ATM: variants seen among roughly 807,000 people sequenced by gnomAD.
ATM encodes the protein ATM serine/threonine kinase.
Under a neutral mutation model 387.0 loss-of-function variants are expected in ATM, and 308 were observed. The observed-to-expected ratio is 0.80, with a 90% CI of 0.73 to 0.87. The LOEUF is 0.87. Among genes scored for constraint, ATM ranks in the 40% least tolerant of loss-of-function variants. ATM has a pLI of 0.00. For missense variants in ATM, 3,312 were observed against 3,560.9 expected, an observed-to-expected ratio of 0.93 and a Z score of 1.78; for synonymous variants, 1,156 against 1,187.3, an observed-to-expected ratio of 0.97 and a Z score of 0.54.
chr11:108,227,954 T>C (rs947119848), intron 3 of ATM, 66 bp downstream of exon 3: 41 of 1,367,708 alleles, frequency 3.0e-5, no homozygotes, highest in Middle Eastern at 2.5e-4. Context: ...TGTTGTGATA[T>C]TACTTTTGTG....
At chr11:108,258,117 C>T (rs2135413540) in intron 15 of ATM, among the ~76,000 whole-genome samples, 1 of 152,242 alleles carries the variant, frequency 6.6e-6, no homozygotes, top group South Asian at 2.1e-4. Flanking sequence ...ATTGCCCAGG[C>T]TAGTCTCAAA....
chr11:108,260,652 A>G (rs2080809787), intron 16 of ATM, among the ~76,000 whole-genome samples: 2 of 152,222 alleles, frequency 1.3e-5, no homozygotes, highest in African/African-American at 4.8e-5. Flanking sequence ...ATGGCCGAAT[A>G]GGAACAGCTC....
chr11:108,248,745 G>A (rs186380405), intron 8 of ATM, among the ~76,000 whole-genome samples, 188 bp from the exon 9 acceptor site: 3 of 151,932 alleles, frequency 2.0e-5, no homozygotes, highest in African/African-American at 7.3e-5. Flanking sequence ...AAAGTTAGCT[G>A]GGCATGGTGG....
chr11:108,349,196 A>G (rs2088864098), intron 59 of ATM, among the ~76,000 whole-genome samples: 1 of 152,250 alleles, frequency 6.6e-6, no homozygotes, highest in Non-Finnish European at 1.5e-5. Context: ...TGAAAGAAGT[A>G]GTGCTCAATA....
chr11:108,325,568 C>T (rs747275106), intron 46 of ATM, 24 bp downstream of exon 46: 1 of 1,540,142 alleles, frequency 6.5e-7, no homozygotes, highest in South Asian at 1.1e-5. Flanking sequence ...AAAACTATGT[C>T]ATCTTACCTC....
rs192569835 is a variant in ATM, at chr11:108,327,824, G to T, written c.7089+66G>T. The T allele has an allele frequency of 1.6e-3, 1,891 of 1,190,964 alleles. 4 individuals carry two copies. The highest frequency in any genetic ancestry group is 2.2e-3 in the Non-Finnish European group (1,767 of 807,514). The allele number at this position is 1,190,964 out of a possible 1,614,324, so 73.8% of individuals were successfully genotyped here. A position where few individuals can be genotyped will look rare whatever the true frequency, so the allele number is the denominator to read the frequency against. On this transcript the variant is annotated intron_variant, in intron 48 of 62. Coordinates refer to ENST00000675843, the MANE Select transcript of ATM (RefSeq NM_000051.4). ...TGAATATGCTTCATCTTTTCATCAA[G>T]ATCAATATATTTCCAAAGCAAATAA...
At chr11:108,350,308 A>G (rs2089029334) in intron 59 of ATM, among the ~76,000 whole-genome samples, 2 of 152,184 alleles carry the variant, frequency 1.3e-5, no homozygotes, top group Admixed American at 1.3e-4. Context: ...AGAGTAATCA[A>G]ACTTATTGTC....
At chr11:108,317,630 TATATATATATATATATATATATACAC>T (rs1200362959) in intron 43 of ATM, 109 bp downstream of exon 43, 3 of 170,766 alleles carry the variant, frequency 1.8e-5, no homozygotes, top group Non-Finnish European at 3.1e-5. Flanking sequence ...TATATATATA[TATATATATATATATATATATATACAC>T]ACACACACAC....
chr11:108,342,187 C>T (rs1475428748), intron 56 of ATM, among the ~76,000 whole-genome samples: 2 of 152,022 alleles, frequency 1.3e-5, no homozygotes, highest in Admixed American at 6.6e-5. Flanking sequence ...CCAGGGAATC[C>T]AAAAGATTGG....
intron 33 of ATM, among the ~76,000 whole-genome samples, chr11:108,298,996 T>C (rs948195045): frequency 2.6e-5 from 4 of 152,340 alleles, no homozygotes; most frequent in Admixed American, 2.0e-4. Flanking sequence ...GAAAAACTTA[T>C]ATACATTCTG....
In ATM at chr11:108,304,769, C is replaced by CA; in HGVS notation, c.5592dup (p.His1865ThrfsTer39). The CA allele has an allele frequency of 6.2e-7, 1 of 1,613,976 alleles. No individual in the cohort carries two copies. The highest frequency in any genetic ancestry group is 8.5e-7 in the Non-Finnish European group (1 of 1,179,978). On this transcript the variant is annotated frameshift_variant, in exon 37 of 63. Coordinates refer to ENST00000675843, the MANE Select transcript of ATM (RefSeq NM_000051.4). LOFTEE classifies it high-confidence loss of function. ...GAATCATGGAGAAATCTGCTTTCTA[C>CA]ACATGTTCAGGGATTTTTCACCAGC... is the stretch of plus-strand genomic sequence containing the variant.
intron 35 of ATM, 80 bp downstream of exon 35, chr11:108,301,869 T>C: frequency 6.8e-7 from 1 of 1,461,510 alleles, no homozygotes; most frequent in South Asian, 1.2e-5. Context: ...GACTGTTAAA[T>C]TGCTTGAAAT....
chr11:108,229,268 A>G lies in ATM; in HGVS notation c.276A>G (p.Lys92=), dbSNP rs786201137. Residue 92 remains lysine, a synonymous_variant, in exon 4 of 63, where the codon AAA becomes AAG. Coordinates refer to ENST00000675843, the MANE Select transcript of ATM (RefSeq NM_000051.4). ...CCTCAACACAAGCCTCCAGGCAGAAAAAGATGCAGGAAATCAGTAGTTTGG... is the reference window on the plus strand; with the variant it reads ...CCTCAACACAAGCCTCCAGGCAGAAGAAGATGCAGGAAATCAGTAGTTTGG... ...VSASTQASRQ[K]KMQEISSLVK... is the part of the protein sequence containing the mutation. The G allele has an allele frequency of 1.2e-6, 2 of 1,613,916 alleles. No homozygotes were observed. Among genetic ancestry groups the G allele is most frequent in the East Asian group, 2.2e-5 (1 of 44,836 alleles).
intron 61 of ATM, 134 bp downstream of exon 61, chr11:108,355,008 G>T: frequency 2.6e-6 from 2 of 777,630 alleles, no homozygotes; most frequent in Non-Finnish European, 4.4e-6. Flanking sequence ...CAGAAAGGAG[G>T]AGATTGTGCA....
At position 108,322,127 on chromosome 11, in the gene ATM, C is replaced by T. The variant is rs577324958; in HGVS notation, c.6572+707C>T. Reference sequence around the variant, plus strand: ...CATTCTATTGTTTATTGTTGTATACCTAGTGTTTTTGTTTTGTTTTCTTTT... The same window carrying T: ...CATTCTATTGTTTATTGTTGTATACTTAGTGTTTTTGTTTTGTTTTCTTTT... On this transcript the variant is annotated intron_variant, in intron 45 of 62. Coordinates refer to ENST00000675843, the MANE Select transcript of ATM (RefSeq NM_000051.4). 3.3e-5 allele frequency among the ~76,000 whole-genome samples: 5 copies of T among 151,740 alleles called. No individual in the cohort carries two copies. In the South Asian group the frequency reaches 6.3e-4, roughly 19 times the overall value.
rs1060504276 is a variant in ATM, at chr11:108,251,052, G to A, written c.1587G>A (p.Gly529=). Residue 529 remains glycine, a synonymous_variant, in exon 10 of 63, where the codon GGG becomes GGA. Transcript: ENST00000675843. ...VDREFWKLFT[G]SACRPSCPAV... ...GAGAATTCTGGAAGTTATTTACTGGGTCAGCCTGCAGACCTTCATGGTAAG... is the reference window on the plus strand; with the variant it reads ...GAGAATTCTGGAAGTTATTTACTGGATCAGCCTGCAGACCTTCATGGTAAG... 2 of 1,614,094 alleles carry A rather than the reference G, an allele frequency of 1.2e-6. No individual in the cohort carries two copies. Among genetic ancestry groups the A allele is most frequent in the Non-Finnish European group, 1.7e-6 (2 of 1,180,016 alleles).
intron 1 of ATM, 182 bp downstream of exon 1, chr11:108,223,368 ACCT>A (rs1397769337): frequency 5.9e-5 from 9 of 151,772 alleles, no homozygotes; most frequent in Non-Finnish European, 1.2e-4. Flanking sequence ...TTGGCCAATA[ACCT>A]CCTCCTTTTA....
chr11:108,298,461 T>C (rs1160435441), intron 33 of ATM, among the ~76,000 whole-genome samples: 1 of 152,208 alleles, frequency 6.6e-6, no homozygotes, highest in East Asian at 1.9e-4. Context: ...AAAAACAGAA[T>C]CTTACCAGAA....
At chr11:108,234,666 C>G (rs1455071152) in intron 4 of ATM, among the ~76,000 whole-genome samples, 1 of 151,512 alleles carries the variant, frequency 6.6e-6, no homozygotes, top group Non-Finnish European at 1.5e-5. Flanking sequence ...GTGAGAGATT[C>G]TGTCTCTATG....
Sources: gnomAD v4.1 joint callset for allele counts (sites outside exome capture counted in the v4.1 genomes callset) on GRCh38, gnomAD v4.1.1 for gene constraint, MANE v1.5 for transcripts, NCBI Gene and HGNC (gene_info 2026-07-23, HGNC 2026-07-21) for gene names.